KCNAB2: variants seen among roughly 807,000 people sequenced by gnomAD.
KCNAB2 encodes the protein voltage-gated potassium channel subunit beta-2.
KCNAB2 carries 29 observed loss-of-function variants against 63.6 expected under a neutral mutation model. The ratio of observed to expected loss-of-function variants is 0.46; its 90% CI spans 0.34 to 0.62. The LOEUF (loss-of-function observed/expected upper bound fraction) is 0.62, where lower values mean the gene tolerates loss of function less well. Among genes scored for constraint, KCNAB2 ranks in the 20% least tolerant of loss-of-function variants. The pLI is 0.01. For synonymous variants in KCNAB2, 222 were observed against 224.2 expected (o/e 0.99, Z 0.09); for missense variants, 359 against 563.9 (o/e 0.64, Z 3.68).
chr1:6,037,036 A>G (rs575532110), intron 1 of KCNAB2, among the ~76,000 whole-genome samples: 8 of 152,340 alleles, frequency 5.3e-5, no homozygotes, highest in African/African-American at 1.7e-4. Context: ...TTACAAAAAT[A>G]GGCAGCAGGC....
chr1:6,076,215 A>T (rs1278896506), intron 4 of KCNAB2, among the ~76,000 whole-genome samples: 1 of 152,222 alleles, frequency 6.6e-6, no homozygotes, highest in Non-Finnish European at 1.5e-5. Context: ...AAGCTTGCCC[A>T]GGGGTGGAAC....
At chr1:6,079,834 T>A (rs539370975) in intron 4 of KCNAB2, among the ~76,000 whole-genome samples, 64 of 152,350 alleles carry the variant, frequency 4.2e-4, no homozygotes, top group African/African-American at 1.3e-3. Flanking sequence ...GCCATTGAAC[T>A]ATGCTTGAAA....
chr1:6,047,513 G>T (rs1415904520), intron 1 of KCNAB2, among the ~76,000 whole-genome samples: 2 of 152,134 alleles, frequency 1.3e-5, no homozygotes, highest in Non-Finnish European at 2.9e-5. Flanking sequence ...CCTGGCATGG[G>T]AGTCCCCCCC....
intron 2 of KCNAB2, among the ~76,000 whole-genome samples, chr1:6,065,497 G>A (rs1662670050): frequency 6.6e-6 from 1 of 152,220 alleles, no homozygotes. Flanking sequence ...GCCCCGAGAA[G>A]CAGCTGCTCC....
intron 1 of KCNAB2, among the ~76,000 whole-genome samples, chr1:6,021,119 A>G (rs1486477442): frequency 6.6e-6 from 1 of 152,024 alleles, no homozygotes; most frequent in East Asian, 1.9e-4. Context: ...CAGCCTCCCA[A>G]GTAGCCTGGA....
At chr1:6,000,067 ACCCT>A (rs539517997) in intron 1 of KCNAB2, among the ~76,000 whole-genome samples, 414 of 151,700 alleles carry the variant, frequency 2.7e-3, no homozygotes, top group African/African-American at 9.3e-3. Context: ...CCCCGTCCAC[ACCCT>A]GCCTGCACTC....
intron 11 of KCNAB2, 123 bp from the exon 12 acceptor site, chr1:6,095,200 C>T (rs551098520): frequency 3.8e-5 from 39 of 1,036,736 alleles, no homozygotes; most frequent in African/African-American, 3.4e-4. Flanking sequence ...AGTGGGGAGC[C>T]CGGGCTGCAG....
At chr1:6,033,810 TCTTG>T (rs1162757418), upstream of KCNAB2, among the ~76,000 whole-genome samples, 1 of 152,194 alleles carries the variant, frequency 6.6e-6, no homozygotes. Flanking sequence ...CATTTTCACA[TCTTG>T]CTTCTCATTG....
chr1:6,023,299 A>C (rs1219289849), intron 1 of KCNAB2, among the ~76,000 whole-genome samples: 3 of 152,188 alleles, frequency 2.0e-5, no homozygotes, highest in Non-Finnish European at 4.4e-5. Context: ...GTTTGCAATT[A>C]TTTAGGGTAT....
At chr1:6,072,049 G>A (rs1166913876) in intron 2 of KCNAB2, among the ~76,000 whole-genome samples, 1 of 152,204 alleles carries the variant, frequency 6.6e-6, no homozygotes, top group Non-Finnish European at 1.5e-5. Context: ...CACCTCCTAA[G>A]GACAGTCATG....
chr1:6,036,954 C>T (rs994042887), intron 1 of KCNAB2, among the ~76,000 whole-genome samples: 1 of 152,208 alleles, frequency 6.6e-6, no homozygotes, highest in African/African-American at 2.4e-5. Context: ...CTCCTCAGCC[C>T]TGCCCTTGGA....
intron 1 of KCNAB2, among the ~76,000 whole-genome samples, chr1:6,039,472 G>T (rs1039016161): frequency 3.3e-5 from 5 of 152,166 alleles, no homozygotes; most frequent in Non-Finnish European, 7.4e-5. Context: ...GCCCAAGGGT[G>T]GCAGCCAGAG....
At chr1:6,044,512 G>A (rs549841046), upstream of KCNAB2, among the ~76,000 whole-genome samples, 56 of 152,296 alleles carry the variant, frequency 3.7e-4, no homozygotes, top group African/African-American at 1.3e-3. Flanking sequence ...CAGAGAACAG[G>A]AAGTGACAGT....
upstream of KCNAB2, among the ~76,000 whole-genome samples, chr1:6,043,428 C>G (rs1289943894): frequency 6.6e-6 from 1 of 152,204 alleles, no homozygotes; most frequent in African/African-American, 2.4e-5. Context: ...CGCCGGGATC[C>G]CTGTGCTTAA....
At chr1:6,097,434 C>T (rs1411705924) in intron 15 of KCNAB2, 77 bp downstream of exon 15, 1 of 1,545,418 alleles carries the variant, frequency 6.5e-7, no homozygotes, top group Non-Finnish European at 8.7e-7. Context: ...CCAGGCTCGT[C>T]CTGCGTGCCA....
At chr1:6,083,058 C>G (rs1417817192) in intron 5 of KCNAB2, among the ~76,000 whole-genome samples, 1 of 152,152 alleles carries the variant, frequency 6.6e-6, no homozygotes, top group Non-Finnish European at 1.5e-5. Flanking sequence ...CACCCAGAGC[C>G]TGGGGAGCGC....
At position 6,080,953 on chromosome 1, in the gene KCNAB2, A is replaced by G. The variant is rs190375060; in HGVS notation, c.301-1242A>G. The stretch of plus-strand genomic sequence containing the variant: ...GCTGGGCTTGTTGCTGGTGAGGCCC[A>G]GTGCTCTGAGCCGCACCTGGGGAAG... On this transcript the variant is annotated intron_variant, in intron 4 of 15. Coordinates refer to ENST00000378083, the MANE Select transcript of KCNAB2 (RefSeq NM_001199862.2). Among the ~76,000 whole-genome samples, 224 of 152,324 alleles carry G rather than the reference A, an allele frequency of 1.5e-3. 1 individual carries two copies. Among genetic ancestry groups the G allele is most frequent in the Admixed American group, 3.7e-3 (56 of 15,306 alleles).
chr1:6,005,705 G>A (rs372945254), intron 1 of KCNAB2, among the ~76,000 whole-genome samples: 4 of 152,030 alleles, frequency 2.6e-5, no homozygotes, highest in East Asian at 1.9e-4. Context: ...TTTTCCCAGC[G>A]GTCACTGTGA....
chr1:6,036,723 G>A (rs1181651246), intron 1 of KCNAB2, among the ~76,000 whole-genome samples: 2 of 151,982 alleles, frequency 1.3e-5, no homozygotes, highest in South Asian at 2.1e-4. Context: ...AGCACAGATC[G>A]TGTCGCTGTG....
Sources: allele counts gnomAD v4.1 joint callset (sites outside exome capture counted in the v4.1 genomes callset), GRCh38; gene constraint gnomAD v4.1.1; transcripts MANE v1.5; gene names NCBI Gene and HGNC (gene_info 2026-07-23, HGNC 2026-07-21).